PTPRN2: variants seen among roughly 807,000 people sequenced by gnomAD.
The protein encoded by PTPRN2 is protein tyrosine phosphatase receptor type N2.
In PTPRN2, 74 loss-of-function variants were observed where a neutral mutation model predicts 118.8. The observed-to-expected ratio is 0.62, with a 90% CI of 0.52 to 0.76. The LOEUF (loss-of-function observed/expected upper bound fraction) is 0.76, where lower values mean the gene tolerates loss of function less well. Among genes scored for constraint, PTPRN2 ranks in the 30% least tolerant of loss-of-function variants. The pLI is 0.00. For missense variants in PTPRN2, 1,481 were observed against 1,394.4 expected (o/e 1.06, Z -0.99); for synonymous variants, 641 against 608.0 (o/e 1.05, Z -0.80).
At chr7:157,652,537 C>T (rs886358272) in intron 14 of PTPRN2, among the ~76,000 whole-genome samples, 27 of 152,348 alleles carry the variant, frequency 1.8e-4, no homozygotes, top group African/African-American at 5.8e-4. Flanking sequence ...GGGGACCCAG[C>T]GGCTGCCCCA....
chr7:157,628,336 A>C (rs1197573472), intron 14 of PTPRN2, among the ~76,000 whole-genome samples: 1 of 152,262 alleles, frequency 6.6e-6, no homozygotes, highest in Non-Finnish European at 1.5e-5. Context: ...TTCTAGGAAC[A>C]CGGAGCACAG....
rs769804653 is a variant in PTPRN2, at chr7:157,801,275, C to G, written c.1788+97398G>C. Among the ~76,000 whole-genome samples the G allele has an allele frequency of 6.6e-6, 1 of 152,112 alleles. No individual in the cohort carries two copies. Among genetic ancestry groups the G allele is most frequent in the African/African-American group, 2.4e-5 (1 of 41,428 alleles). On this transcript the variant is annotated intron_variant, in intron 12 of 22. Transcript: ENST00000389418. The surrounding 1 kb of genome is among the most constrained non-coding windows in gnomAD (Gnocchi z 4.2). ...CAGGCCTTCCGCTTAGCGCTGCCTT[C>G]GAGATCAGTCTCTCGACCCCTGTTA...
chr7:157,756,822 G>A (rs1801809416), intron 12 of PTPRN2, among the ~76,000 whole-genome samples: 1 of 151,250 alleles, frequency 6.6e-6, no homozygotes, highest in South Asian at 2.1e-4. Context: ...GTTCCTGATA[G>A]ACGAGAAACT....
At chr7:157,613,520 G>A (rs1357677929) in intron 15 of PTPRN2, among the ~76,000 whole-genome samples, 1 of 152,178 alleles carries the variant, frequency 6.6e-6, no homozygotes. Context: ...CAGGAGAGCA[G>A]GGTCCGGGGC....
intron 2 of PTPRN2, among the ~76,000 whole-genome samples, chr7:158,459,531 A>G (rs1586725651): frequency 6.6e-6 from 1 of 152,272 alleles, no homozygotes; most frequent in East Asian, 1.9e-4. Flanking sequence ...AAACCCATGC[A>G]CGCCTCAGTC....
intron 19 of PTPRN2, among the ~76,000 whole-genome samples, chr7:157,573,028 A>G (rs1799838940): frequency 6.6e-6 from 1 of 152,210 alleles, no homozygotes; most frequent in Non-Finnish European, 1.5e-5. Flanking sequence ...TGGTCCCTGG[A>G]GAATAAAGAG....
chr7:158,530,523 T>C (rs1196341611), intron 1 of PTPRN2, among the ~76,000 whole-genome samples: 1 of 152,126 alleles, frequency 6.6e-6, no homozygotes, highest in Non-Finnish European at 1.5e-5. Context: ...ACCCCACGAC[T>C]TAAACACATA....
At chr7:158,082,818 A>C (rs910048945) in intron 10 of PTPRN2, among the ~76,000 whole-genome samples, 2 of 152,192 alleles carry the variant, frequency 1.3e-5, no homozygotes, top group Non-Finnish European at 2.9e-5. Context: ...TCCTGCGTCC[A>C]GCTCTACTGC....
intron 1 of PTPRN2, among the ~76,000 whole-genome samples, chr7:158,581,447 T>TC (rs1303133680): frequency 6.6e-6 from 1 of 152,102 alleles, no homozygotes; most frequent in Non-Finnish European, 1.5e-5. Context: ...GATGGAATGA[T>TC]CCGTACACTG....
intron 3 of PTPRN2, among the ~76,000 whole-genome samples, chr7:158,268,653 C>CG (rs1479006107): frequency 2.3e-4 from 26 of 114,420 alleles, no homozygotes; most frequent in Non-Finnish European, 4.2e-4. Flanking sequence ...ACACACAGGG[C>CG]GGGTGTGAAA....
At chr7:157,651,671 A>C (rs1805672199) in intron 14 of PTPRN2, among the ~76,000 whole-genome samples, 1 of 151,718 alleles carries the variant, frequency 6.6e-6, no homozygotes, top group Non-Finnish European at 1.5e-5. Context: ...TCTTGAAAAA[A>C]CTCGATGATT....
Position 158,529,297 on chromosome 7 carries a change from ATTTTGCTT to A in PTPRN2, c.113-39520_113-39513del, listed in dbSNP as rs1024855607. On this transcript the variant is annotated intron_variant, in intron 1 of 22. Transcript: ENST00000389418. This position sits in a 1 kb window ranked among gnomAD's most constrained non-coding sequence, Gnocchi z 4.7. ...ATTTTCACATTTTAAAATCATCTCC[ATTTTGCTT>A]TGGAATGCGTGGCATCTCTGCTGTG... 1.3e-5 allele frequency among the ~76,000 whole-genome samples: 2 copies of A among 152,224 alleles called. No individual in the cohort carries two copies. Among genetic ancestry groups the A allele is most frequent in the Non-Finnish European group, 1.5e-5 (1 of 68,032 alleles).
At chr7:157,595,862 T>C (rs1383378246) in intron 16 of PTPRN2, among the ~76,000 whole-genome samples, 1 of 152,198 alleles carries the variant, frequency 6.6e-6, no homozygotes, top group African/African-American at 2.4e-5. Context: ...ATGCTTTCCT[T>C]ATACCTGAGG....
intron 3 of PTPRN2, among the ~76,000 whole-genome samples, chr7:158,263,417 A>C (rs892129020): frequency 1.6e-4 from 22 of 136,034 alleles, no homozygotes; most frequent in Admixed American, 9.9e-4. Context: ...ACAATGCACA[A>C]ACACATGCAC....
chr7:157,751,799 A>C (rs56244678), intron 12 of PTPRN2, among the ~76,000 whole-genome samples: 2,498 of 145,212 alleles, frequency 0.017, 64 homozygotes, highest in African/African-American at 0.058. Context: ...GACCATTCCT[A>C]CGGGATGAGG....
At chr7:158,556,946 ACTCCCACGCAGGTCAGGTGG>A (rs1827057276) in intron 1 of PTPRN2, among the ~76,000 whole-genome samples, 1 of 110,576 alleles carries the variant, frequency 9.0e-6, no homozygotes, top group African/African-American at 3.5e-5. Flanking sequence ...CGCGCAGGTC[ACTCCCACGCAGGTCAGGTGG>A]CTCCCGCACA....
intron 15 of PTPRN2, among the ~76,000 whole-genome samples, chr7:157,613,115 C>T (rs1420737429): frequency 6.6e-6 from 1 of 152,166 alleles, no homozygotes; most frequent in Non-Finnish European, 1.5e-5. Flanking sequence ...AGGGACAGGC[C>T]CGGCCCCGTC....
intron 12 of PTPRN2, among the ~76,000 whole-genome samples, chr7:157,806,819 G>A (rs555430502): frequency 8.5e-5 from 13 of 152,266 alleles, no homozygotes; most frequent in East Asian, 7.7e-4. Context: ...TGGTCTGCAT[G>A]AACAAAGTGA....
Position 158,134,035 on chromosome 7 carries a change from C to G in PTPRN2, c.1198G>C (p.Gly400Arg), listed in dbSNP as rs146255697. 9 of 1,613,668 alleles carry G rather than the reference C, an allele frequency of 5.6e-6. No individual in the cohort carries two copies. Among genetic ancestry groups the G allele is most frequent in the Non-Finnish European group, 7.6e-6 (9 of 1,179,854 alleles). Residue 400 changes from glycine (G) to arginine (R), a missense_variant, in exon 9 of 23, where the codon GGG (glycine) becomes CGG (arginine). By Grantham distance (125) the Gly-to-Arg change is moderately radical. Transcript: ENST00000389418. ...GACCCGTGGTCCTGCAGGAGGCCCCCGAGTGTGGCACTCAGACGATGGACC... is the reference window on the plus strand; with the variant it reads ...GACCCGTGGTCCTGCAGGAGGCCCCGGAGTGTGGCACTCAGACGATGGACC... ...QEVHRLSATLGGLLQDHGSRL... is the reference protein window; with the variant it reads ...QEVHRLSATLRGLLQDHGSRL...
Sources: gnomAD v4.1 joint callset for allele counts (sites outside exome capture counted in the v4.1 genomes callset) on GRCh38, gnomAD v4.1.1 for gene constraint, Gnocchi (gnomAD v3.1) non-coding constraint, MANE v1.5 for transcripts, NCBI Gene and HGNC (gene_info 2026-07-23, HGNC 2026-07-21) for gene names.